TBXAS1: variants seen among roughly 807,000 people sequenced by gnomAD.
TBXAS1 encodes the protein thromboxane-A synthase.
Under a neutral mutation model 60.7 loss-of-function variants are expected in TBXAS1, and 48 were observed. The ratio of observed to expected loss-of-function variants is 0.79; its 90% CI spans 0.63 to 1.01. The LOEUF (loss-of-function observed/expected upper bound fraction) is 1.01. Ranked by LOEUF, TBXAS1 falls within the 50% of genes least tolerant of loss-of-function variation. The pLI is 0.00. For synonymous variants in TBXAS1, 287 were observed against 269.7 expected, an observed-to-expected ratio of 1.06 and a Z score of -0.63; for missense variants, 685 against 686.3, an observed-to-expected ratio of 1.00 and a Z score of 0.02.
chr7:139,779,305 T>A (rs560607873), intron 1 of TBXAS1, among the ~76,000 whole-genome samples: 2 of 152,338 alleles, frequency 1.3e-5, no homozygotes, highest in South Asian at 4.1e-4. Flanking sequence ...TTCACACTTT[T>A]TTAGTGGTAC....
chr7:140,003,465 A>G (rs1044954334), intron 9 of TBXAS1, among the ~76,000 whole-genome samples: 1 of 152,144 alleles, frequency 6.6e-6, no homozygotes, highest in African/African-American at 2.4e-5. Context: ...TCGGCCTCCC[A>G]AAGTGCTGGG....
chr7:139,955,847 G>A (rs971453811), intron 7 of TBXAS1, among the ~76,000 whole-genome samples: 2 of 152,232 alleles, frequency 1.3e-5, no homozygotes, highest in East Asian at 1.9e-4. Flanking sequence ...GCCATGGTGA[G>A]AACGGTTGGG....
At chr7:139,947,892 T>C (rs188873322) in intron 5 of TBXAS1, among the ~76,000 whole-genome samples, 3 of 149,866 alleles carry the variant, frequency 2.0e-5, no homozygotes, top group Non-Finnish European at 3.0e-5. Context: ...TGAGATGGAG[T>C]CTTGCTCTGT....
At chr7:139,844,630 T>C (rs1006353679) in intron 1 of TBXAS1, among the ~76,000 whole-genome samples, 5 of 152,242 alleles carry the variant, frequency 3.3e-5, no homozygotes, top group Admixed American at 3.3e-4. Flanking sequence ...ATATCTCATG[T>C]ACCCTCTTCC....
chr7:140,012,020 A>C (rs1814656653), intron 10 of TBXAS1, among the ~76,000 whole-genome samples: 1 of 152,242 alleles, frequency 6.6e-6, no homozygotes, highest in South Asian at 2.1e-4. Flanking sequence ...CTTAAGACTC[A>C]GAAGATTTTT....
chr7:139,815,255 C>T lies in TBXAS1; in HGVS notation c.-79-14057C>T, dbSNP rs547364725. On this transcript the variant is annotated intron_variant, in intron 4 of 16. Coordinates refer to the TBXAS1 transcript ENST00000336425. ...ATGGAAAGAGAGAGAGCGAGACAGA[C>T]AGACAGACAAACAGGGTGCTCTGCA... Among the ~76,000 whole-genome samples, 220 of 152,304 alleles carry T rather than the reference C, an allele frequency of 1.4e-3. 1 individual carries two copies. Among genetic ancestry groups the T allele is most frequent in the Non-Finnish European group, 2.9e-3 (198 of 68,032 alleles).
chr7:139,948,052 A>T (rs1036047103), intron 5 of TBXAS1, among the ~76,000 whole-genome samples: 1 of 152,066 alleles, frequency 6.6e-6, no homozygotes, highest in African/African-American at 2.4e-5. Flanking sequence ...TTTAGTAGAG[A>T]GGGGGTTTCA....
intron 9 of TBXAS1, among the ~76,000 whole-genome samples, chr7:139,986,651 G>A (rs373968512): frequency 6.0e-5 from 9 of 149,070 alleles, no homozygotes; most frequent in Admixed American, 2.0e-4. Flanking sequence ...TAGAATAATC[G>A]TCTCCAGTTC....
intron 4 of TBXAS1, among the ~76,000 whole-genome samples, chr7:139,920,558 A>T (rs765059410): frequency 6.6e-6 from 1 of 152,228 alleles, no homozygotes; most frequent in Non-Finnish European, 1.5e-5. Flanking sequence ...CAAGGAAGGC[A>T]GTGTGATCAT....
chr7:139,985,397 T>C (rs1276184844), intron 9 of TBXAS1, among the ~76,000 whole-genome samples: 2 of 152,064 alleles, frequency 1.3e-5, no homozygotes, highest in African/African-American at 2.4e-5. Flanking sequence ...TGGTGTGGAG[T>C]ACAGAGCGGT....
At chr7:139,930,078 C>T (rs1365930248) in intron 4 of TBXAS1, among the ~76,000 whole-genome samples, 1 of 152,198 alleles carries the variant, frequency 6.6e-6, no homozygotes, top group Non-Finnish European at 1.5e-5. Context: ...TCCAGCCGCG[C>T]CACATCCTTA....
chr7:139,838,344 T>G (rs896200327), intron 1 of TBXAS1, among the ~76,000 whole-genome samples: 2 of 152,202 alleles, frequency 1.3e-5, no homozygotes, highest in Non-Finnish European at 2.9e-5. Flanking sequence ...GCCTGGCACA[T>G]AGTTGGTGCC....
At chr7:139,956,869 G>A (rs145620771) in intron 7 of TBXAS1, among the ~76,000 whole-genome samples, 10 of 152,364 alleles carry the variant, frequency 6.6e-5, no homozygotes, top group African/African-American at 2.2e-4. Context: ...GTGTCACATT[G>A]GTTCGGACTC....
chr7:139,867,322 G>A (rs563692292), intron 1 of TBXAS1, among the ~76,000 whole-genome samples: 9 of 152,316 alleles, frequency 5.9e-5, no homozygotes, highest in South Asian at 2.1e-4. Context: ...TGTAATGACC[G>A]AGCGGAGGGG....
chr7:139,948,300 G>A (rs533487140), intron 5 of TBXAS1, among the ~76,000 whole-genome samples: 24 of 152,298 alleles, frequency 1.6e-4, no homozygotes, highest in African/African-American at 4.8e-4. Context: ...GCATGAGAGA[G>A]AGAGAGAGGG....
intron 1 of TBXAS1, among the ~76,000 whole-genome samples, chr7:139,832,787 G>C (rs1224967619): frequency 6.6e-6 from 1 of 152,216 alleles, no homozygotes; most frequent in African/African-American, 2.4e-5. Flanking sequence ...CAAGCTAGAA[G>C]GGATTGGGGC....
At chr7:139,954,627 AG>A (rs1809690518) in intron 6 of TBXAS1, among the ~76,000 whole-genome samples, 1 of 152,264 alleles carries the variant, frequency 6.6e-6, no homozygotes, top group Non-Finnish European at 1.5e-5. Context: ...AATTATAAAA[AG>A]ATATTAATAA....
At chr7:139,781,170 T>C (rs1796972764) in intron 2 of TBXAS1, among the ~76,000 whole-genome samples, 1 of 152,180 alleles carries the variant, frequency 6.6e-6, no homozygotes, top group Non-Finnish European at 1.5e-5. Flanking sequence ...AAACATGCAT[T>C]CAATTGAGCT....
chr7:139,890,510 C>G (rs1325773994), intron 3 of TBXAS1, among the ~76,000 whole-genome samples: 2 of 152,060 alleles, frequency 1.3e-5, no homozygotes, highest in African/African-American at 2.4e-5. Flanking sequence ...CCACCGCGCC[C>G]GGCCAGGATG....
Sources: allele counts gnomAD v4.1 joint callset (sites outside exome capture counted in the v4.1 genomes callset), GRCh38; gene constraint gnomAD v4.1.1; transcripts MANE v1.5; gene names NCBI Gene and HGNC (gene_info 2026-07-23, HGNC 2026-07-21).